CDAN1: variants seen among roughly 807,000 people sequenced by gnomAD.
The protein encoded by CDAN1 is codanin 1.
In CDAN1, 107 loss-of-function variants were observed where a neutral mutation model predicts 139.8. The ratio of observed to expected loss-of-function variants is 0.77; its 90% CI spans 0.65 to 0.90. CDAN1 has a LOEUF of 0.90. Among genes scored for constraint, CDAN1 ranks in the 40% least tolerant of loss-of-function variants. The pLI, the probability that CDAN1 is intolerant of heterozygous loss-of-function variation, is 0.00. For missense variants in CDAN1, 1,667 were observed against 1,575.7 expected, an observed-to-expected ratio of 1.06 and a Z score of -0.98; for synonymous variants, 776 against 660.6, an observed-to-expected ratio of 1.17 and a Z score of -2.68.
rs1225925269 is a variant in CDAN1, at chr15:42,734,329, T to C, written c.1154A>G (p.Asp385Gly). The change falls in exon 7 of 28, where the codon GAC becomes GGC. Residue 385 changes from aspartate to glycine, a missense_variant. Asp to Gly is a moderately conservative substitution (Grantham distance 94, BLOSUM62 -1). This residue lies in a region of CDAN1 where 244 missense variants were observed against 309.4 expected (regional missense o/e 0.79). Coordinates refer to ENST00000356231, the MANE Select transcript of CDAN1 (RefSeq NM_138477.4). Reference sequence around the variant, plus strand: ...AGCCAGCAGCTTCAAGGTCCCTTTGTCCAGGTTGGAAAGAACCCTGCAGGG... The same window carrying C: ...AGCCAGCAGCTTCAAGGTCCCTTTGCCCAGGTTGGAAAGAACCCTGCAGGG... ...ECHFQVLSNL[D>G]KGTLKLLAEN... is the part of the protein sequence containing the mutation. 1.2e-6 allele frequency: 2 copies of C among 1,614,086 alleles called. No individual in the cohort carries two copies. The highest frequency in any genetic ancestry group is 8.5e-7 in the Non-Finnish European group (1 of 1,180,022).
Position 42,728,048 on chromosome 15 carries a change from T to A in CDAN1, c.2869-15A>T, listed in dbSNP as rs201343155. 69 of 1,613,274 alleles carry A rather than the reference T, an allele frequency of 4.3e-5. No homozygotes were observed. The highest frequency in any genetic ancestry group is 5.8e-5 in the Non-Finnish European group (68 of 1,179,490). On this transcript the variant is annotated splice_polypyrimidine_tract_variant and intron_variant, in intron 21 of 27. Coordinates refer to ENST00000356231, the MANE Select transcript of CDAN1 (RefSeq NM_138477.4). ...CTGCTCAGAACCTGCGAAACAGAAC[T>A]ACAGAGTCAGGGGCTAGGGGAGGGC...
rs989005722 is a variant in CDAN1, at chr15:42,725,670, A to C, written c.3269T>G (p.Val1090Gly). The C allele has an allele frequency of 6.2e-7, 1 of 1,614,032 alleles. No individual in the cohort carries two copies. The highest frequency in any genetic ancestry group is 1.3e-5 in the African/African-American group (1 of 75,012). The change falls in exon 26 of 28, where the codon GTT becomes GGT. Residue 1090 changes from valine to glycine, a missense_variant and splice_region_variant. Transcript: ENST00000356231. ...CCCTAGGATAGGAATTTGATCTGCA[A>C]CTGTGGAAAGAGGAAAGCCAAGCTT... ...KCSVELASLL[V>G]ADQIPILGPP...
At chr15:42,731,131 T>A in intron 12 of CDAN1, 60 bp from the exon 13 acceptor site, 3 of 1,614,136 alleles carry the variant, frequency 1.9e-6, no homozygotes, top group South Asian at 2.2e-5. Flanking sequence ...CAATTCCCGA[T>A]CTGTTATAAA....
chr15:42,730,742 C>A lies in CDAN1; in HGVS notation c.2030G>T (p.Arg677Leu). Residue 677 changes from arginine to leucine, a missense_variant, in exon 14 of 28, where the codon CGG becomes CTG. By Grantham distance (102) the Arg-to-Leu change is moderately radical (BLOSUM62 -2). Coordinates refer to ENST00000356231, the MANE Select transcript of CDAN1 (RefSeq NM_138477.4). ...CTGCAGCCCTCGCTGCAGCAGAGTCCGCACATCCAGGACCGGAGGGACCTG... is the reference window on the plus strand; with the variant it reads ...CTGCAGCCCTCGCTGCAGCAGAGTCAGCACATCCAGGACCGGAGGGACCTG... ...RSQVPPVLDV[R>L]TLLQRGLQAR... 3 of 1,612,398 alleles carry A rather than the reference C, an allele frequency of 1.9e-6. No individual in the cohort carries two copies. The highest frequency in any genetic ancestry group is 2.5e-6 in the Non-Finnish European group (3 of 1,179,222).
intron 15 of CDAN1, 36 bp from the exon 16 acceptor site, chr15:42,729,921 GACCCCCACCCAACCC>G: frequency 6.5e-7 from 1 of 1,540,864 alleles, no homozygotes; most frequent in Non-Finnish European, 8.9e-7. Context: ...CAACTTCAGA[GACCCCCACCCAACCC>G]ACCCCACCTC....
chr15:42,726,540 T>G (rs1340865419), intron 23 of CDAN1, 123 bp from the exon 24 acceptor site: 2 of 738,474 alleles, frequency 2.7e-6, no homozygotes, highest in Non-Finnish European at 4.7e-6. Context: ...ATATGGTGAG[T>G]AAAGCCAAGT....
chr15:42,729,382 G>A lies in CDAN1; in HGVS notation c.2408-20C>T, dbSNP rs903989367. The stretch of plus-strand genomic sequence containing the variant: ...GCTCTCCTGTATCAGTGAAGTCCAA[G>A]TTCTCAGTTCCAGAACCCTCTCCCC... On this transcript the variant is annotated intron_variant, in intron 17 of 27. Coordinates refer to ENST00000356231, the MANE Select transcript of CDAN1 (RefSeq NM_138477.4). 1.9e-6 allele frequency: 3 copies of A among 1,614,048 alleles called. No homozygotes were observed. The highest frequency in any genetic ancestry group is 2.7e-5 in the African/African-American group (2 of 75,030).
chr15:42,731,121 CAATTCCCGATCTGTTATA>C, intron 12 of CDAN1, 50 bp from the exon 13 acceptor site: 1 of 1,614,240 alleles, frequency 6.2e-7, no homozygotes, highest in South Asian at 1.1e-5. Context: ...GCTTCCAGAA[CAATTCCCGATCTGTTATA>C]AAGTTTTTCT....
At chr15:42,732,900 T>C (rs1037253493) in intron 9 of CDAN1, among the ~76,000 whole-genome samples, 197 bp downstream of exon 9, 2 of 152,066 alleles carry the variant, frequency 1.3e-5, no homozygotes, top group African/African-American at 4.8e-5. Context: ...CACCTGTGAG[T>C]GGAAGGAGCT....
intron 14 of CDAN1, 137 bp downstream of exon 14, chr15:42,730,461 G>A: frequency 9.5e-7 from 1 of 1,053,416 alleles, no homozygotes; most frequent in Admixed American, 2.0e-5. Context: ...AGCCAATCGT[G>A]CCTCTCCCAG....
Position 42,736,502 on chromosome 15 carries a change from C to T in CDAN1, c.369G>A (p.Arg123=). The part of the protein sequence containing the change: ...APLARRGGRR[R]GPGPARERGG... ...CACGCTCGCGGGCCGGCCCCGGGCC[C>T]CGCCTCCTGCCCCCGCGGCGGGCCA... The change falls in exon 2 of 28, where the codon CGG becomes CGA. Residue 123 remains arginine, a synonymous_variant. Coordinates refer to ENST00000356231, the MANE Select transcript of CDAN1 (RefSeq NM_138477.4). The T allele has an allele frequency of 2.1e-6, 3 of 1,416,170 alleles. No homozygotes were observed. The highest frequency in any genetic ancestry group is 3.3e-5 in the Admixed American group (1 of 30,066). 87.7% of individuals were successfully genotyped at this position (1,416,170 alleles called of 1,614,324 possible).
Position 42,730,706 on chromosome 15 carries a change from G to A in CDAN1, c.2066C>T (p.Ala689Val), listed in dbSNP as rs140334403. ...CACCAGCCAGGGCACGGTGAGCACC[G>A]CCCGGCGGGCCTGCAGCCCTCGCTG... ...LLQRGLQARR[A>V]VLTVPWLVEF... The change falls in exon 14 of 28, where the codon GCG becomes GTG. Residue 689 changes from alanine (A) to valine (V), a missense_variant. This residue lies in a region of CDAN1 where 936 missense variants were observed against 844.1 expected (regional missense o/e 1.11). Coordinates refer to ENST00000356231, the MANE Select transcript of CDAN1 (RefSeq NM_138477.4). 6.1e-5 allele frequency: 99 copies of A among 1,613,360 alleles called. No individual in the cohort carries two copies. The highest frequency in any genetic ancestry group is 5.3e-4 in the African/African-American group (40 of 75,046).
intron 10 of CDAN1, 77 bp downstream of exon 10, chr15:42,732,256 C>T: frequency 7.3e-7 from 1 of 1,370,544 alleles, no homozygotes; most frequent in Admixed American, 1.7e-5. Flanking sequence ...TCTGCCCTAT[C>T]CCAAAGTGCA....
Position 42,730,918 on chromosome 15 carries a change from C to T in CDAN1, c.2007+7G>A, listed in dbSNP as rs752538191. The T allele has an allele frequency of 1.2e-6, 2 of 1,614,064 alleles. No homozygotes were observed. The highest frequency in any genetic ancestry group is 1.7e-6 in the Non-Finnish European group (2 of 1,180,042). ...TCCCTCCTCACCAGAATCCCCCGCC[C>T]ATTCACCTGGCTCCTGAGGGCCAGA... On this transcript the variant is annotated splice_region_variant and intron_variant, in intron 13 of 27. Transcript: ENST00000356231.
intron 23 of CDAN1, chr15:42,726,758 A>G: frequency 2.7e-6 from 1 of 366,000 alleles, no homozygotes; most frequent in Non-Finnish European, 5.1e-6. Flanking sequence ...GGCCTATCAG[A>G]TACCGTCTTA....
In CDAN1 at chr15:42,727,349, A is replaced by G. The variant is rs7165651; in HGVS notation, c.3096+272T>C. On this transcript the variant is annotated intron_variant, in intron 23 of 27. Transcript: ENST00000356231. ...AGCCATTCACCACCGCACTCTCATC[A>G]CCATCTGCATAATAAGCATTTAGTC... 13 of 405,830 alleles carry G rather than the reference A, an allele frequency of 3.2e-5. No homozygotes were observed. The East Asian group carries it at 4.8e-4, about 15-fold the overall frequency. 25.1% of individuals were successfully genotyped at this position (405,830 alleles called of 1,614,324 possible). A position where few individuals can be genotyped will look rare whatever the true frequency, so the allele number is the denominator to read the frequency against.
chr15:42,727,970 A>G lies in CDAN1; in HGVS notation c.2932T>C (p.Ser978Pro), dbSNP rs748594717. 1.5e-5 allele frequency: 24 copies of G among 1,613,948 alleles called. No homozygotes were observed. The highest frequency in any genetic ancestry group is 2.0e-5 in the Non-Finnish European group (24 of 1,179,932). ...LATEKACAWLSANITALIRRE... is the reference protein window; with the variant it reads ...LATEKACAWLPANITALIRRE... ...AGGACCTTACCTGTGATGTTGGCTG[A>G]CAGCCAAGCACAGGCTTTCTCTGTT... Residue 978 changes from serine (S) to proline (P), a missense_variant, in exon 22 of 28, where the codon TCA becomes CCA. Physicochemically the swap from Ser to Pro is moderately conservative, Grantham distance 74. Coordinates refer to ENST00000356231, the MANE Select transcript of CDAN1 (RefSeq NM_138477.4).
At chr15:42,731,930 TG>T (rs2061618180) in intron 10 of CDAN1, 105 bp from the exon 11 acceptor site, 2 of 985,318 alleles carry the variant, frequency 2.0e-6, no homozygotes, top group Non-Finnish European at 3.2e-6. Context: ...GAATGCCAAC[TG>T]TGTCAAGTGC....
At chr15:42,731,159 T>C in intron 12 of CDAN1, 52 bp downstream of exon 12, 1 of 1,614,214 alleles carries the variant, frequency 6.2e-7, no homozygotes, top group Non-Finnish European at 8.5e-7. Flanking sequence ...TTGAACATAC[T>C]CCCTTCCCTC....
Sources: gnomAD v4.1 joint callset for allele counts (sites outside exome capture counted in the v4.1 genomes callset) on GRCh38, gnomAD v4.1.1 for gene constraint, gnomAD v4.1.1 regional missense constraint, MANE v1.5 for transcripts, NCBI Gene and HGNC (gene_info 2026-07-23, HGNC 2026-07-21) for gene names.